The following SCN2A variants were observed in gnomAD, a reference collection of about 807,000 sequenced individuals.
The protein encoded by SCN2A is sodium channel protein type 2 subunit alpha.
Under a neutral mutation model 188.7 loss-of-function variants are expected in SCN2A, and 20 were observed. The observed-to-expected ratio is 0.11, with a 90% CI of 0.07 to 0.15. SCN2A has a LOEUF of 0.15. Ranked by LOEUF, SCN2A falls within the 10% of genes least tolerant of loss-of-function variation. SCN2A has a pLI of 1.00. For missense variants in SCN2A, 1,278 were observed against 2,445.0 expected (o/e 0.52, Z 10.07); for synonymous variants, 804 against 833.1 (o/e 0.97, Z 0.60).
intron 1 of SCN2A, among the ~76,000 whole-genome samples, chr2:165,286,823 A>G (rs1038368326): frequency 3.9e-5 from 6 of 152,128 alleles, no homozygotes; most frequent in African/African-American, 1.4e-4. Context: ...TGAAATTTCT[A>G]TGTATTACGC....
intron 3 of SCN2A, among the ~76,000 whole-genome samples, chr2:165,304,500 A>G (rs1697010665): frequency 6.6e-6 from 1 of 152,260 alleles, no homozygotes; most frequent in African/African-American, 2.4e-5. Flanking sequence ...AATTAATTTC[A>G]TTAGTCAACT....
intron 1 of SCN2A, among the ~76,000 whole-genome samples, chr2:165,248,634 T>TCC (rs1281752657): frequency 2.0e-5 from 3 of 152,250 alleles, no homozygotes; most frequent in Non-Finnish European, 2.9e-5. Context: ...TTTTTTCCTT[T>TCC]TCTTTCCTTT....
chr2:165,317,278 TC>T (rs1697806301), intron 11 of SCN2A, among the ~76,000 whole-genome samples: 1 of 140,348 alleles, frequency 7.1e-6, no homozygotes, highest in Admixed American at 7.5e-5. Context: ...GAAACATTAA[TC>T]AATAAATAGG....
rs186298207 is a variant in SCN2A, at chr2:165,319,331, C to T, written c.1671+3573C>T. On this transcript the variant is annotated intron_variant, in intron 11 of 26. Transcript: ENST00000375437. ...CAGCCTGGGTGACAGAGTGAGACTC[C>T]GTCTCAAAAAATAAATAAATAAAAA... Among the ~76,000 whole-genome samples the T allele has an allele frequency of 2.3e-3, 342 of 151,524 alleles. 2 individuals carry two copies. The highest frequency in any genetic ancestry group is 0.011 in the South Asian group (52 of 4,800).
chr2:165,366,812 A>G (rs1700755243), intron 18 of SCN2A, among the ~76,000 whole-genome samples: 1 of 152,214 alleles, frequency 6.6e-6, no homozygotes, highest in Admixed American at 6.5e-5. Flanking sequence ...TTTACTTATA[A>G]TAAAGATGGG....
chr2:165,252,643 T>C (rs1334179286), intron 1 of SCN2A, among the ~76,000 whole-genome samples: 1 of 152,132 alleles, frequency 6.6e-6, no homozygotes, highest in Non-Finnish European at 1.5e-5. Context: ...TTTATTTTTA[T>C]TCACAGTAAG....
intron 16 of SCN2A, among the ~76,000 whole-genome samples, chr2:165,348,603 C>T (rs1033363026): frequency 3.3e-5 from 5 of 152,082 alleles, no homozygotes; most frequent in African/African-American, 1.2e-4. Flanking sequence ...AAACAATAAA[C>T]ACTGATTACT....
intron 1 of SCN2A, chr2:165,240,933 C>G (rs979284229): frequency 6.6e-6 from 1 of 152,006 alleles, no homozygotes; most frequent in African/African-American, 2.4e-5. Flanking sequence ...AGATATTTAA[C>G]CATTTATCCC....
chr2:165,322,426 A>G (rs1041485258), intron 11 of SCN2A, among the ~76,000 whole-genome samples: 1 of 152,220 alleles, frequency 6.6e-6, no homozygotes, highest in East Asian at 1.9e-4. Context: ...TGAACAGGGT[A>G]CTGATTTAAA....
Position 165,389,486 on chromosome 2 carries a change from G to C in SCN2A, c.5680G>C (p.Glu1894Gln), listed in dbSNP as rs1393820493. ...ATCAAACCCCTCCAAAGTCTCTTAT[G>C]AGCCCATTACGACCACGTTGAAACG... Reference protein sequence around the residue: ...MASNPSKVSYEPITTTLKRKQ... With the variant: ...MASNPSKVSYQPITTTLKRKQ... The change falls in exon 27 of 27, where the codon GAG (glutamate) becomes CAG (glutamine). Residue 1894 changes from glutamate to glutamine, a missense_variant. Transcript: ENST00000375437. This position sits in a 1 kb window ranked among gnomAD's most constrained non-coding sequence, Gnocchi z 4.2. 2 of 1,613,938 alleles carry C rather than the reference G, an allele frequency of 1.2e-6. No individual in the cohort carries two copies. The highest frequency in any genetic ancestry group is 1.7e-6 in the Non-Finnish European group (2 of 1,179,958).
At chr2:165,270,933 G>A (rs1411340266) in intron 1 of SCN2A, 1 of 152,094 alleles carries the variant, frequency 6.6e-6, no homozygotes, top group Non-Finnish European at 1.5e-5. Context: ...TGCTTGGCCA[G>A]TGACGTAGCC....
intron 1 of SCN2A, chr2:165,270,433 T>C (rs898149438): frequency 6.6e-6 from 1 of 152,200 alleles, no homozygotes; most frequent in Non-Finnish European, 1.5e-5. Flanking sequence ...TTTTGTAACA[T>C]TGATAATTTA....
chr2:165,391,138 G>A lies in SCN2A; in HGVS notation c.*1314G>A, dbSNP rs1702106119. ...ATCTTATTCCTTCCACTGTTCAGAA[G>A]TCTAATATGGGAAGCCATATATCAG... On this transcript the variant is annotated 3_prime_UTR_variant, in exon 27 of 27. Transcript: ENST00000375437. The A allele has an allele frequency of 1.3e-5, 2 of 152,526 alleles. No homozygotes were observed. The highest frequency in any genetic ancestry group is 2.1e-4 in the South Asian group (1 of 4,828). 9.4% of individuals were successfully genotyped at this position (152,526 alleles called of 1,614,324 possible).
At chr2:165,301,555 A>G (rs548536717) in intron 3 of SCN2A, among the ~76,000 whole-genome samples, 1 of 152,210 alleles carries the variant, frequency 6.6e-6, no homozygotes, top group East Asian at 1.9e-4. Context: ...CAGTTTCTCT[A>G]TCTGTAAAAT....
intron 16 of SCN2A, among the ~76,000 whole-genome samples, chr2:165,351,104 G>A (rs1699886981): frequency 6.6e-6 from 1 of 152,170 alleles, no homozygotes; most frequent in Non-Finnish European, 1.5e-5. Flanking sequence ...CTGAGGCTCA[G>A]ATTGGTTATG....
chr2:165,276,448 A>G (rs752818588), intron 1 of SCN2A, among the ~76,000 whole-genome samples: 1 of 152,220 alleles, frequency 6.6e-6, no homozygotes, highest in East Asian at 1.9e-4. Flanking sequence ...TGCTGAAAAT[A>G]TATTTATAAT....
chr2:165,254,004 T>C (rs1490336863), intron 1 of SCN2A, among the ~76,000 whole-genome samples: 1 of 151,910 alleles, frequency 6.6e-6, no homozygotes, highest in Non-Finnish European at 1.5e-5. Flanking sequence ...GCAAATTTCC[T>C]GCTGTTTCCT....
At chr2:165,294,447 C>T (rs781257557) in intron 1 of SCN2A, among the ~76,000 whole-genome samples, 2 of 152,046 alleles carry the variant, frequency 1.3e-5, no homozygotes, top group Non-Finnish European at 2.9e-5. Flanking sequence ...CTGAAAGGTC[C>T]TGGTTTACTT....
rs1384792715 is a variant in SCN2A at position 165,373,258 on chromosome 2, G to A, written c.3883G>A (p.Gly1295Ser). The change falls in exon 21 of 27, where the codon GGT (glycine) becomes AGT (serine). Residue 1295 changes from glycine to serine, a missense_variant. Physicochemically the swap from Gly to Ser is moderately conservative, Grantham distance 56. This residue lies in a region of SCN2A where 39 missense variants were observed against 130.2 expected (regional missense o/e 0.30). Coordinates refer to ENST00000375437, the MANE Select transcript of SCN2A (RefSeq NM_001040142.2). ...SLVSLTANAL[G>S]YSELGAIKSL... ...GGTTAGCTTAACTGCAAATGCCTTG[G>A]GTTACTCAGAACTTGGTGCCATCAA... The A allele has an allele frequency of 6.2e-7, 1 of 1,613,256 alleles. No individual in the cohort carries two copies. Among genetic ancestry groups the A allele is most frequent in the Non-Finnish European group, 8.5e-7 (1 of 1,179,478 alleles).
Sources: allele counts gnomAD v4.1 joint callset (sites outside exome capture counted in the v4.1 genomes callset), GRCh38; gene constraint gnomAD v4.1.1; regional missense constraint gnomAD v4.1.1; non-coding constraint Gnocchi (gnomAD v3.1); transcripts MANE v1.5; gene names NCBI Gene and HGNC (gene_info 2026-07-23, HGNC 2026-07-21).